SKOR2: variants seen among roughly 807,000 people sequenced by gnomAD.
SKOR2 encodes LBX1 corepressor 1-like protein.
SKOR2 carries 47 observed loss-of-function variants against 69.1 expected under a neutral mutation model. The ratio of observed to expected loss-of-function variants is 0.68; its 90% CI spans 0.54 to 0.87. SKOR2 has a LOEUF of 0.87. Ranked by LOEUF, SKOR2 falls within the 40% of genes least tolerant of loss-of-function variation. The pLI is 0.00. For synonymous variants in SKOR2, 717 were observed against 672.6 expected (o/e 1.07, Z -1.02); for missense variants, 1,404 against 1,472.2 (o/e 0.95, Z 0.76).
At position 47,206,218 on chromosome 18, in the gene SKOR2, A is replaced by T. The variant is rs530201659; in HGVS notation, c.*678T>A. The T allele has an allele frequency of 4.6e-5, 7 of 152,284 alleles. No homozygotes were observed. The South Asian group carries it at 1.5e-3, about 32-fold the overall frequency. 9.4% of individuals were successfully genotyped at this position (152,284 alleles called of 1,614,324 possible). A position where few individuals can be genotyped will look rare whatever the true frequency, so the allele number is the denominator to read the frequency against. On this transcript the variant is annotated 3_prime_UTR_variant, in exon 9 of 9. Coordinates refer to ENST00000425639, the MANE Select transcript of SKOR2 (RefSeq NM_001278063.4). ...GACTTTTTTATCCACATGAATGTTA[A>T]AGAAACTACAACAGAGTTAAATGCC...
chr18:47,217,380 A>G (rs2064147289), intron 7 of SKOR2, among the ~76,000 whole-genome samples: 2 of 152,348 alleles, frequency 1.3e-5, no homozygotes, highest in Middle Eastern at 3.4e-3. Flanking sequence ...TTAATGAACT[A>G]TATGGGATGG....
intron 6 of SKOR2, among the ~76,000 whole-genome samples, chr18:47,227,664 G>T (rs1402426224): frequency 6.6e-6 from 1 of 152,156 alleles, no homozygotes; most frequent in African/African-American, 2.4e-5. Context: ...GTTTAGAAAT[G>T]CTTTTCTAGA....
intron 6 of SKOR2, among the ~76,000 whole-genome samples, chr18:47,222,971 G>A (rs569952049): frequency 6.6e-6 from 1 of 152,208 alleles, no homozygotes; most frequent in East Asian, 1.9e-4. Flanking sequence ...TTTTAAGATT[G>A]GAGTGGGGAA....
chr18:47,248,560 C>T lies in SKOR2; in HGVS notation c.624G>A (p.Ser208=). Residue 208 remains serine, a synonymous_variant, in exon 2 of 9, where the codon TCG becomes TCA. Coordinates refer to ENST00000425639, the MANE Select transcript of SKOR2 (RefSeq NM_001278063.4). The surrounding 1 kb of genome is among the most constrained non-coding windows in gnomAD (Gnocchi z 6.4). ...YTQPDAANFN[S]WRRHLKLTDK... ...CGGTGAGCTTGAGATGACGGCGCCA[C>T]GAGTTGAAGTTGGCTGCGTCTGGCT... 1.3e-6 allele frequency: 2 copies of T among 1,537,774 alleles called. No individual in the cohort carries two copies. Among genetic ancestry groups the T allele is most frequent in the South Asian group, 2.4e-5 (2 of 84,128 alleles).
In SKOR2 at chr18:47,249,066, G is replaced by T. The variant is rs2064300680; in HGVS notation, c.118C>A (p.Gln40Lys). The T allele has an allele frequency of 6.5e-7, 1 of 1,536,946 alleles. No individual in the cohort carries two copies. Among genetic ancestry groups the T allele is most frequent in the African/African-American group, 1.4e-5 (1 of 73,198 alleles). Residue 40 changes from glutamine to lysine, a missense_variant, in exon 2 of 9, where the codon CAG (glutamine) becomes AAG (lysine). Around this residue, in one of 3 missense-constraint regions of SKOR2, gnomAD observed 104 missense variants for 95.7 expected, o/e 1.09. Transcript: ENST00000425639. ...CCGTAGAGGATCACCTGGCCCACCTGGTTGGGTTTGAGGTTGGCGTGCCCT... is the reference window on the plus strand; with the variant it reads ...CCGTAGAGGATCACCTGGCCCACCTTGTTGGGTTTGAGGTTGGCGTGCCCT... ...RPGHANLKPN[Q>K]VGQVILYGIP...
intron 4 of SKOR2, among the ~76,000 whole-genome samples, chr18:47,231,601 T>G (rs1472975584): frequency 6.6e-6 from 1 of 152,050 alleles, no homozygotes; most frequent in Non-Finnish European, 1.5e-5. Flanking sequence ...CCCAGCACTT[T>G]GGGATGCCGA....
intron 6 of SKOR2, 38 bp from the exon 7 acceptor site, chr18:47,220,048 T>C (rs1379613252): frequency 1.2e-5 from 18 of 1,488,672 alleles, no homozygotes; most frequent in Admixed American, 6.1e-5. Flanking sequence ...TTAACTAAAG[T>C]GTAAAATCTA....
rs1052035719 is a variant in SKOR2 at position 47,244,495 on chromosome 18, A to G, written c.2752+413T>C. 2.6e-5 allele frequency among the ~76,000 whole-genome samples: 4 copies of G among 152,226 alleles called. No individual in the cohort carries two copies. The South Asian group carries it at 6.2e-4, about 24-fold the overall frequency. ...TGTATAATGTAATTTTTGTAAATGTATTATACATTTTGTGTAGAGATCATT... is the reference window on the plus strand; with the variant it reads ...TGTATAATGTAATTTTTGTAAATGTGTTATACATTTTGTGTAGAGATCATT... On this transcript the variant is annotated intron_variant, in intron 4 of 8. Transcript: ENST00000425639.
intron 7 of SKOR2, among the ~76,000 whole-genome samples, chr18:47,214,815 C>T (rs1176458314): frequency 6.6e-6 from 1 of 152,016 alleles, no homozygotes; most frequent in Non-Finnish European, 1.5e-5. Flanking sequence ...ATTTTAGAGG[C>T]TCAATTTAAA....
intron 1 of SKOR2, among the ~76,000 whole-genome samples, 160 bp downstream of exon 1, chr18:47,251,214 A>AC (rs908330068): frequency 7.6e-4 from 115 of 150,744 alleles, no homozygotes; most frequent in African/African-American, 2.4e-3. Flanking sequence ...ACAGCCAAAG[A>AC]CCCCCCCACC....
At chr18:47,212,549 TGTTTA>T (rs2064130987) in intron 7 of SKOR2, among the ~76,000 whole-genome samples, 1 of 152,392 alleles carries the variant, frequency 6.6e-6, no homozygotes, top group East Asian at 1.9e-4. Flanking sequence ...TTAATGTAAT[TGTTTA>T]GTTTATTAGA....
In SKOR2 at chr18:47,238,247, AAAAG is replaced by A. The variant is rs530524724; in HGVS notation, c.2752+6657_2752+6660del. On this transcript the variant is annotated intron_variant, in intron 4 of 8. Transcript: ENST00000425639. The stretch of plus-strand genomic sequence containing the variant: ...TGTCCACAGAGGAAGTCTGCAGAAA[AAAAG>A]AAAGAAAGTGTGTTATTTAATTGCA... 1.8e-4 allele frequency among the ~76,000 whole-genome samples: 28 copies of A among 152,286 alleles called. 1 individual carries two copies. The South Asian group carries it at 2.1e-3, about 11-fold the overall frequency.
At chr18:47,224,664 G>T (rs2064172727) in intron 6 of SKOR2, among the ~76,000 whole-genome samples, 1 of 150,126 alleles carries the variant, frequency 6.7e-6, no homozygotes. Flanking sequence ...ACCCAGGCTT[G>T]AGTGCACTGG....
intron 1 of SKOR2, among the ~76,000 whole-genome samples, chr18:47,250,096 T>C (rs922606766): frequency 6.6e-6 from 1 of 152,152 alleles, no homozygotes; most frequent in Non-Finnish European, 1.5e-5. Context: ...AATGAACAAT[T>C]CTTGGGGATC....
intron 8 of SKOR2, among the ~76,000 whole-genome samples, chr18:47,208,555 A>G (rs1351658332): frequency 6.6e-6 from 1 of 152,174 alleles, no homozygotes; most frequent in Non-Finnish European, 1.5e-5. Context: ...AAATGTTTAA[A>G]TGTGTTTGGG....
intron 6 of SKOR2, among the ~76,000 whole-genome samples, chr18:47,227,845 T>TAC (rs1162950574): frequency 6.6e-6 from 1 of 152,182 alleles, no homozygotes; most frequent in Non-Finnish European, 1.5e-5. Flanking sequence ...TCCAAGGTCA[T>TAC]ACAACCAGCA....
In SKOR2 at chr18:47,246,757, C is replaced by A; in HGVS notation, c.2427G>T (p.Ala809=). The A allele has an allele frequency of 7.1e-7, 1 of 1,405,114 alleles. No homozygotes were observed. Among genetic ancestry groups the A allele is most frequent in the Non-Finnish European group, 9.2e-7 (1 of 1,089,786 alleles). 87.0% of individuals were successfully genotyped at this position (1,405,114 alleles called of 1,614,324 possible). A position where few individuals can be genotyped will look rare whatever the true frequency, so the allele number is the denominator to read the frequency against. The part of the protein sequence containing the change: ...SRDRAPAVAG[A]FPLGLNSSRL... ...TGGAGGAGTTCAGGCCGAGCGGGAA[C>A]GCGCCCGCGACGGCCGGCGCGCGGT... is the stretch of plus-strand genomic sequence containing the variant. The change falls in exon 2 of 9, where the codon GCG becomes GCT. Residue 809 remains alanine, a synonymous_variant. Transcript: ENST00000425639.
Position 47,247,565 on chromosome 18 carries a change from G to T in SKOR2, c.1619C>A (p.Pro540Gln). 3 of 1,239,112 alleles carry T rather than the reference G, an allele frequency of 2.4e-6. No individual in the cohort carries two copies. Among genetic ancestry groups the T allele is most frequent in the South Asian group, 3.3e-5 (1 of 29,866 alleles). The allele number at this position is 1,239,112 out of a possible 1,614,324, so 76.8% of individuals were successfully genotyped here. Residue 540 changes from proline to glutamine, a missense_variant, in exon 2 of 9, where the codon CCG becomes CAG. By Grantham distance (76) the Pro-to-Gln change is moderately conservative. Around this residue, in one of 3 missense-constraint regions of SKOR2, gnomAD observed 1,266 missense variants for 1,309.9 expected, o/e 0.97. Transcript: ENST00000425639. The surrounding 1 kb of genome is among the most constrained non-coding windows in gnomAD (Gnocchi z 6.6). ...GGCAGGAGGAGGTGGGCCGGAGCCC[G>T]GGCCGTTGGCCACTACCTGCGGGGG... ...GQPPQVVANG[P>Q]GSGPPPPAGG...
intron 6 of SKOR2, among the ~76,000 whole-genome samples, chr18:47,230,030 T>A (rs2064191868): frequency 1.3e-5 from 2 of 152,308 alleles, no homozygotes; most frequent in South Asian, 4.1e-4. Flanking sequence ...TATACATATC[T>A]CAAGCATCAG....
Sources: gnomAD v4.1 joint callset for allele counts (sites outside exome capture counted in the v4.1 genomes callset) on GRCh38, gnomAD v4.1.1 for gene constraint, gnomAD v4.1.1 regional missense constraint, Gnocchi (gnomAD v3.1) non-coding constraint, MANE v1.5 for transcripts, NCBI Gene and HGNC (gene_info 2026-07-23, HGNC 2026-07-21) for gene names.